The following LY75 variants were observed in gnomAD, a reference collection of about 807,000 sequenced individuals.
LY75 encodes the protein lymphocyte antigen 75.
A neutral mutation model predicts 231.7 loss-of-function variants in LY75; 185 were observed. The ratio of observed to expected loss-of-function variants is 0.80; its 90% CI spans 0.71 to 0.90. The LOEUF is 0.90. Among genes scored for constraint, LY75 ranks in the 40% least tolerant of loss-of-function variants. The probability of loss-of-function intolerance (pLI) is 0.00; values close to 1 mark genes in which losing one functional copy is unlikely to be tolerated. For synonymous variants in LY75, 668 were observed against 689.0 expected (o/e 0.97, Z 0.48); for missense variants, 1,947 against 2,050.2 (o/e 0.95, Z 0.97).
intron 20 of LY75, 49 bp downstream of exon 20, chr2:159,853,224 A>C (rs761956280): frequency 1.1e-5 from 17 of 1,544,854 alleles, no homozygotes; most frequent in Non-Finnish European, 1.4e-5. Flanking sequence ...CTGAACCTGA[A>C]CTTCACATAT....
intron 28 of LY75, among the ~76,000 whole-genome samples, chr2:159,821,110 T>C (rs1683272774): frequency 6.6e-6 from 1 of 152,040 alleles, no homozygotes; most frequent in African/African-American, 2.4e-5. Context: ...ATTGCTGCGA[T>C]TATAGGCATG....
At chr2:159,812,786 ATC>A (rs1439744497) in intron 31 of LY75, among the ~76,000 whole-genome samples, 1 of 152,044 alleles carries the variant, frequency 6.6e-6, no homozygotes, top group Non-Finnish European at 1.5e-5. Flanking sequence ...ACCACCACCC[ATC>A]TCTAAAATTT....
At chr2:159,887,566 C>CAAAAAAAAAAAAAAAAAAA (rs369452762) in intron 4 of LY75, among the ~76,000 whole-genome samples, 27 of 103,732 alleles carry the variant, frequency 2.6e-4, no homozygotes, top group South Asian at 6.6e-4. Flanking sequence ...TCAACAACAA[C>CAAAAAAAAAAAAAAAAAAA]AAAAAAAAAA....
intron 28 of LY75, among the ~76,000 whole-genome samples, chr2:159,823,174 C>A (rs1042243573): frequency 4.6e-5 from 7 of 152,010 alleles, no homozygotes; most frequent in Admixed American, 4.6e-4. Context: ...ATGTTCTAAC[C>A]CAATGCAAGG....
intron 3 of LY75, among the ~76,000 whole-genome samples, chr2:159,891,238 C>T (rs751070438): frequency 1.3e-5 from 2 of 152,146 alleles, no homozygotes; most frequent in Non-Finnish European, 2.9e-5. Flanking sequence ...TAGAGATCAT[C>T]TTGTCTAATG....
intron 9 of LY75, 154 bp from the exon 10 acceptor site, chr2:159,878,875 A>G (rs1209244544): frequency 2.9e-5 from 10 of 344,634 alleles, no homozygotes; most frequent in Non-Finnish European, 4.1e-5. Flanking sequence ...GTGGGATGCA[A>G]TTTCACAGAT....
At chr2:159,811,993 C>T (rs1420869952) in intron 31 of LY75, among the ~76,000 whole-genome samples, 1 of 152,160 alleles carries the variant, frequency 6.6e-6, no homozygotes, top group African/African-American at 2.4e-5. Flanking sequence ...GTTTTTACCA[C>T]CTTATGAAAA....
At chr2:159,878,185 T>C in intron 11 of LY75, 139 bp downstream of exon 11, 4 of 1,180,480 alleles carry the variant, frequency 3.4e-6, no homozygotes, top group Non-Finnish European at 4.7e-6. Context: ...TGCTTCTATT[T>C]ATGGTTCCAT....
chr2:159,815,213 G>C (rs1174800164), intron 31 of LY75, among the ~76,000 whole-genome samples, 192 bp downstream of exon 31: 1 of 152,114 alleles, frequency 6.6e-6, no homozygotes, highest in African/African-American at 2.4e-5. Flanking sequence ...TTGTTAGCCA[G>C]GATGATCTCC....
intron 13 of LY75, among the ~76,000 whole-genome samples, chr2:159,871,590 G>A (rs1685013549): frequency 6.6e-6 from 1 of 151,930 alleles, no homozygotes; most frequent in African/African-American, 2.4e-5. Context: ...AGTACTAATT[G>A]GCAAGCTTTG....
intron 16 of LY75, among the ~76,000 whole-genome samples, chr2:159,858,057 C>G (rs1684596739): frequency 2.0e-5 from 3 of 152,122 alleles, no homozygotes; most frequent in African/African-American, 7.2e-5. Context: ...GAAAATGATT[C>G]TGCATTTCTC....
chr2:159,838,804 T>A (rs59476292), intron 25 of LY75, among the ~76,000 whole-genome samples: 8,540 of 152,114 alleles, frequency 0.056, 277 homozygotes, highest in Non-Finnish European at 0.078. Context: ...TTAATTAATT[T>A]TTTTATTTAG....
intron 13 of LY75, 133 bp from the exon 14 acceptor site, chr2:159,865,053 TA>T: frequency 1.5e-6 from 1 of 689,138 alleles, no homozygotes; most frequent in Non-Finnish European, 2.1e-6. Context: ...GAAATGAAAC[TA>T]AGCCCTTAAT....
Position 159,875,356 on chromosome 2 carries a change from TGG to T in LY75, c.1974+86_1974+87del. The T allele has an allele frequency of 2.0e-6, 3 of 1,532,378 alleles. No homozygotes were observed. In the Admixed American group the frequency reaches 6.0e-5, roughly 31 times the overall value. The allele number at this position is 1,532,378 out of a possible 1,614,324, so 94.9% of individuals were successfully genotyped here. On this transcript the variant is annotated intron_variant, in intron 12 of 34. Coordinates refer to ENST00000263636, the MANE Select transcript of LY75 (RefSeq NM_002349.4). Reference sequence around the variant, plus strand: ...ACTTTAGTTAGGTTACATAGTACTATGGAGAAGAGCATAATTTGTACAAGGAC... The same window carrying T: ...ACTTTAGTTAGGTTACATAGTACTATAGAAGAGCATAATTTGTACAAGGAC...
chr2:159,852,424 T>C, intron 20 of LY75, 84 bp from the exon 21 acceptor site: 7 of 870,988 alleles, frequency 8.0e-6, no homozygotes, highest in Admixed American at 5.1e-5. Flanking sequence ...TTTTTTTTGT[T>C]TTTTTTTTTT....
intron 25 of LY75, among the ~76,000 whole-genome samples, chr2:159,838,149 C>G (rs1019477851): frequency 2.0e-5 from 3 of 152,200 alleles, no homozygotes; most frequent in African/African-American, 7.2e-5. Flanking sequence ...GCCTTCCACA[C>G]AGTGTCGTCT....
intron 23 of LY75, among the ~76,000 whole-genome samples, chr2:159,848,758 C>A (rs933410858): frequency 6.6e-6 from 1 of 152,066 alleles, no homozygotes; most frequent in African/African-American, 2.4e-5. Context: ...AGACTCATTT[C>A]GTATATCATG....
chr2:159,812,325 G>A (rs934518060), intron 31 of LY75: 2 of 146,842 alleles, frequency 1.4e-5, no homozygotes, highest in East Asian at 2.0e-4. Context: ...ATCGTGGTAA[G>A]TGTGTTACAT....
chr2:159,808,601 C>A (rs778704539), intron 32 of LY75, 30 bp from the exon 33 acceptor site: 7 of 1,609,934 alleles, frequency 4.3e-6, no homozygotes, highest in Admixed American at 1.7e-5. Flanking sequence ...TCTCAATTAG[C>A]TTTATGGAAA....
Sources: allele counts gnomAD v4.1 joint callset (sites outside exome capture counted in the v4.1 genomes callset), GRCh38; gene constraint gnomAD v4.1.1; transcripts MANE v1.5; gene names NCBI Gene and HGNC (gene_info 2026-07-23, HGNC 2026-07-21).